ELMO2: variants seen among roughly 807,000 people sequenced by gnomAD.
ELMO2 encodes engulfment and cell motility 2.
Under a neutral mutation model 96.2 loss-of-function variants are expected in ELMO2, and 37 were observed. The observed-to-expected ratio is 0.38, with a 90% CI of 0.30 to 0.51. The LOEUF is 0.51. Ranked by LOEUF, ELMO2 falls within the 20% of genes least tolerant of loss-of-function variation. ELMO2 has a pLI of 0.88. For synonymous variants in ELMO2, 315 were observed against 329.4 expected, an observed-to-expected ratio of 0.96 and a Z score of 0.47; for missense variants, 561 against 912.6, an observed-to-expected ratio of 0.61 and a Z score of 4.96.
rs2059584510 is a variant in ELMO2, at chr20:46,366,256, T to C, written c.*1104A>G. ...TCTGTATAAGTATGGCCTATAGTAA[T>C]GAAAATATATAGTACACTCTTCATT... is the stretch of plus-strand genomic sequence containing the variant. On this transcript the variant is annotated 3_prime_UTR_variant, in exon 22 of 22. Transcript: ENST00000290246. 6.6e-6 allele frequency: 1 copy of C among 152,572 alleles called. No homozygotes were observed. The highest frequency in any genetic ancestry group is 1.5e-5 in the Non-Finnish European group (1 of 68,040). The allele number at this position is 152,572 out of a possible 1,614,324, so 9.5% of individuals were successfully genotyped here. A position where few individuals can be genotyped will look rare whatever the true frequency, so the allele number is the denominator to read the frequency against.
At chr20:46,369,665 A>G (rs1185824215) in intron 20 of ELMO2, 1 of 154,886 alleles carries the variant, frequency 6.5e-6, no homozygotes, top group Non-Finnish European at 1.4e-5. Flanking sequence ...GCCTCTTGAT[A>G]GAACATAATA....
intron 6 of ELMO2, among the ~76,000 whole-genome samples, chr20:46,392,603 G>A (rs1348537538): frequency 6.6e-6 from 1 of 152,192 alleles, no homozygotes; most frequent in Admixed American, 6.5e-5. Flanking sequence ...GGCCATCAAG[G>A]AACCTTGAAT....
In ELMO2 at chr20:46,375,895, CT is replaced by C; in HGVS notation, c.808-106del. On this transcript the variant is annotated intron_variant, in intron 11 of 21. Coordinates refer to ENST00000290246, the MANE Select transcript of ELMO2 (RefSeq NM_133171.5). This position sits in a 1 kb window ranked among gnomAD's most constrained non-coding sequence, Gnocchi z 4.6. The stretch of plus-strand genomic sequence containing the variant: ...AATGTATGTTGGGAAGGGAACAGAG[CT>C]TTCCTCCCACACACGAGGACTTCAT... 6.8e-7 allele frequency: 1 copy of C among 1,461,628 alleles called. No homozygotes were observed. The highest frequency in any genetic ancestry group is 9.3e-7 in the Non-Finnish European group (1 of 1,073,130). 90.5% of individuals were successfully genotyped at this position (1,461,628 alleles called of 1,614,324 possible).
chr20:46,394,031 A>C lies in ELMO2; in HGVS notation c.119+18T>G. ...GTCGGAGCTGCCACTGTTGAAAACG[A>C]GGTCCATTTCAACCTACCCATCACA... On this transcript the variant is annotated intron_variant, in intron 4 of 21. Coordinates refer to ENST00000290246, the MANE Select transcript of ELMO2 (RefSeq NM_133171.5). 6.2e-7 allele frequency: 1 copy of C among 1,614,018 alleles called. No individual in the cohort carries two copies. Among genetic ancestry groups the C allele is most frequent in the Non-Finnish European group, 8.5e-7 (1 of 1,179,980 alleles).
intron 9 of ELMO2, 33 bp from the exon 10 acceptor site, chr20:46,383,527 T>A: frequency 6.5e-7 from 1 of 1,548,662 alleles, no homozygotes; most frequent in Non-Finnish European, 8.9e-7. Flanking sequence ...GAGAGGGAGA[T>A]TAGAAGACTG....
At chr20:46,367,751 A>G (rs983214168) in intron 21 of ELMO2, among the ~76,000 whole-genome samples, 191 bp from the exon 22 acceptor site, 1 of 152,214 alleles carries the variant, frequency 6.6e-6, no homozygotes, top group African/African-American at 2.4e-5. Flanking sequence ...TCTGGTTTTT[A>G]TAAGGGGTTT....
At chr20:46,405,316 G>A (rs2145869456) in intron 1 of ELMO2, among the ~76,000 whole-genome samples, 1 of 152,304 alleles carries the variant, frequency 6.6e-6, no homozygotes, top group East Asian at 1.9e-4. Flanking sequence ...AGATCTGAAG[G>A]ATGAAGAAGA....
At chr20:46,373,323 G>A (rs942546154) in intron 16 of ELMO2, 76 bp downstream of exon 16, 5 of 1,581,502 alleles carry the variant, frequency 3.2e-6, no homozygotes, top group Non-Finnish European at 4.3e-6. Context: ...GGATTCTCCA[G>A]GTGCCAGCCA....
intron 4 of ELMO2, 141 bp from the exon 5 acceptor site, chr20:46,393,742 T>C (rs544791162): frequency 6.0e-6 from 6 of 1,000,610 alleles, no homozygotes; most frequent in Non-Finnish European, 9.0e-6. Flanking sequence ...GGTTGTCATG[T>C]TGAAAAAATC....
intron 10 of ELMO2, 65 bp downstream of exon 10, chr20:46,383,351 A>T (rs185173857): frequency 1.4e-6 from 2 of 1,460,046 alleles, no homozygotes; most frequent in African/African-American, 2.8e-5. Flanking sequence ...CATAGCAAAG[A>T]GTGCATGGGG....
In ELMO2 at chr20:46,373,551, A is replaced by C; in HGVS notation, c.1280-16T>G. 6.2e-7 allele frequency: 1 copy of C among 1,613,306 alleles called. No homozygotes were observed. Among genetic ancestry groups the C allele is most frequent in the East Asian group, 2.2e-5 (1 of 44,854 alleles). On this transcript the variant is annotated splice_polypyrimidine_tract_variant and intron_variant, in intron 15 of 21. Transcript: ENST00000290246. ...CCTTCATTTGCTGTGGAAGTGAAAA[A>C]ACAGGGAGAAGATGAAGCCTCTGTC...
At chr20:46,381,076 T>G (rs2059946704) in intron 10 of ELMO2, among the ~76,000 whole-genome samples, 1 of 152,162 alleles carries the variant, frequency 6.6e-6, no homozygotes, top group South Asian at 2.1e-4. Flanking sequence ...GTGACTACAG[T>G]GATAATTTAA....
chr20:46,385,995 G>C, intron 9 of ELMO2, 129 bp downstream of exon 9: 1 of 1,009,904 alleles, frequency 9.9e-7, no homozygotes. Context: ...TGTGGAAGAG[G>C]TGATGAATGA....
intron 10 of ELMO2, among the ~76,000 whole-genome samples, chr20:46,382,741 C>T (rs1220850947): frequency 2.0e-5 from 3 of 152,166 alleles, no homozygotes; most frequent in Non-Finnish European, 4.4e-5. Flanking sequence ...TGTTTTTCCT[C>T]AGACATCCTT....
At chr20:46,387,258 G>T in intron 8 of ELMO2, 80 bp downstream of exon 8, 1 of 1,221,014 alleles carries the variant, frequency 8.2e-7, no homozygotes, top group Non-Finnish European at 1.2e-6. Flanking sequence ...CCAGAATGGC[G>T]ATATTGCCTG....
intron 7 of ELMO2, among the ~76,000 whole-genome samples, chr20:46,388,669 G>C (rs1049182765): frequency 1.3e-5 from 2 of 152,038 alleles, no homozygotes; most frequent in African/African-American, 4.8e-5. Context: ...ATTACAAACA[G>C]ACACCTGGGA....
intron 9 of ELMO2, among the ~76,000 whole-genome samples, chr20:46,385,381 T>C (rs1427933541): frequency 1.3e-5 from 2 of 152,162 alleles, no homozygotes; most frequent in Non-Finnish European, 2.9e-5. Context: ...ATAAGAGTCT[T>C]AACAAACAAA....
rs563510371 is a variant in ELMO2, at chr20:46,384,801, TAAAA to T, written c.678-1311_678-1308del. On this transcript the variant is annotated intron_variant, in intron 9 of 21. Coordinates refer to ENST00000290246, the MANE Select transcript of ELMO2 (RefSeq NM_133171.5). The stretch of plus-strand genomic sequence containing the variant: ...CAGCGAGACCCTGTCTCTACAAAAA[TAAAA>T]AAAAAAAAAAAACTAGCCAGGTGTT... Among the ~76,000 whole-genome samples the T allele has an allele frequency of 3.7e-4, 42 of 114,356 alleles. 2 individuals are homozygous for T. The South Asian group carries it at 0.011, about 30-fold the overall frequency. 75.0% of individuals were successfully genotyped at this position (114,356 alleles called of 152,430 possible). A position where few individuals can be genotyped will look rare whatever the true frequency, so the allele number is the denominator to read the frequency against.
intron 2 of ELMO2, among the ~76,000 whole-genome samples, chr20:46,396,133 A>G (rs2060241066): frequency 6.6e-6 from 1 of 152,212 alleles, no homozygotes. Context: ...TTTCACATGT[A>G]ATTTTTATGT....
Sources: gnomAD v4.1 joint callset for allele counts (sites outside exome capture counted in the v4.1 genomes callset) on GRCh38, gnomAD v4.1.1 for gene constraint, Gnocchi (gnomAD v3.1) non-coding constraint, MANE v1.5 for transcripts, NCBI Gene and HGNC (gene_info 2026-07-23, HGNC 2026-07-21) for gene names.